The following STK31 variants were observed in gnomAD, a reference collection of about 807,000 sequenced individuals.
STK31 encodes serine/threonine-protein kinase 31.
STK31 carries 89 observed loss-of-function variants against 129.7 expected under a neutral mutation model. That is an observed-to-expected ratio of 0.69 (90% confidence interval 0.58 to 0.82). STK31 has a LOEUF of 0.82. Among genes scored for constraint, STK31 ranks in the 40% least tolerant of loss-of-function variants. The probability of loss-of-function intolerance (pLI) is 0.00; values close to 1 mark genes in which losing one functional copy is unlikely to be tolerated. For missense variants in STK31, 1,187 were observed against 1,176.4 expected, an observed-to-expected ratio of 1.01 and a Z score of -0.13; for synonymous variants, 448 against 395.3, an observed-to-expected ratio of 1.13 and a Z score of -1.58.
intron 5 of STK31, among the ~76,000 whole-genome samples, chr7:23,728,559 T>C (rs1787221486): frequency 1.3e-5 from 2 of 152,220 alleles, no homozygotes; most frequent in African/African-American, 4.8e-5. Flanking sequence ...GGCAGCATGA[T>C]GTTTGACCTT....
chr7:23,813,792 C>G (rs1024388827), intron 22 of STK31, among the ~76,000 whole-genome samples: 20 of 152,128 alleles, frequency 1.3e-4, no homozygotes, highest in African/African-American at 4.8e-4. Flanking sequence ...GGCAGGATCT[C>G]TCCTTTCCTA....
chr7:23,790,964 T>C lies in STK31; in HGVS notation c.2760+18T>C. 6.6e-7 allele frequency: 1 copy of C among 1,525,350 alleles called. No individual in the cohort carries two copies. The highest frequency in any genetic ancestry group is 1.3e-5 in the South Asian group (1 of 75,206). The allele number at this position is 1,525,350 out of a possible 1,614,324, so 94.5% of individuals were successfully genotyped here. On this transcript the variant is annotated intron_variant, in intron 22 of 23. Transcript: ENST00000355870. Reference sequence around the variant, plus strand: ...TATTATGGGTATGTTATTTTTTTGTTGAAATAGATCATATATATATATATT... The same window carrying C: ...TATTATGGGTATGTTATTTTTTTGTCGAAATAGATCATATATATATATATT...
At chr7:23,738,916 A>G (rs907413319) in intron 8 of STK31, among the ~76,000 whole-genome samples, 15 of 152,192 alleles carry the variant, frequency 9.9e-5, no homozygotes, top group African/African-American at 3.6e-4. Flanking sequence ...TTGCCATTGT[A>G]AATAGTGCTG....
rs1163151806 is a variant in STK31 at position 23,715,208 on chromosome 7, T to A, written c.151-2273T>A. On this transcript the variant is annotated intron_variant, in intron 3 of 23. Transcript: ENST00000355870. ...AAAATCTGCTCACGTGTATTCTCCA[T>A]TTTTTTTTGCCCTGTGGGCTTCTGC... Among the ~76,000 whole-genome samples the A allele has an allele frequency of 2.2e-4, 4 of 17,948 alleles. No individual in the cohort carries two copies. In the East Asian group the frequency reaches 8.7e-3, roughly 39 times the overall value. The allele number at this position is 17,948 out of a possible 152,430, so 11.8% of individuals were successfully genotyped here. A position where few individuals can be genotyped will look rare whatever the true frequency, so the allele number is the denominator to read the frequency against.
intron 1 of STK31, chr7:23,710,745 A>G (rs1785904541): frequency 9.5e-7 from 1 of 1,054,784 alleles, no homozygotes; most frequent in South Asian, 3.4e-5. Context: ...GAAAGTGGGT[A>G]CGGCATCAGT....
chr7:23,722,233 A>T lies in STK31; in HGVS notation c.249+4654A>T, dbSNP rs567250109. The T allele has an allele frequency of 1.6e-3, 245 of 152,612 alleles. 1 individual carries two copies. The highest frequency in any genetic ancestry group is 2.9e-3 in the Non-Finnish European group (198 of 68,328). 9.5% of individuals were successfully genotyped at this position (152,612 alleles called of 1,614,324 possible). A position where few individuals can be genotyped will look rare whatever the true frequency, so the allele number is the denominator to read the frequency against. On this transcript the variant is annotated intron_variant, in intron 4 of 23. Coordinates refer to ENST00000355870, the MANE Select transcript of STK31 (RefSeq NM_031414.5). ...TTTTATCTACTTTTTGTCTTTGATG[A>T]TGGTGACGTACAGATGGGGTTTTGG...
chr7:23,781,746 G>C (rs144853897), intron 16 of STK31, among the ~76,000 whole-genome samples: 3 of 152,090 alleles, frequency 2.0e-5, no homozygotes, highest in African/African-American at 7.2e-5. Flanking sequence ...TTGTAAAGAA[G>C]GAAAAACATC....
At chr7:23,804,346 G>T (rs1792560355) in intron 22 of STK31, among the ~76,000 whole-genome samples, 1 of 152,038 alleles carries the variant, frequency 6.6e-6, no homozygotes, top group Non-Finnish European at 1.5e-5. Context: ...TACCACTCGA[G>T]TGGAAGCTTT....
chr7:23,720,377 T>C (rs745945347), intron 4 of STK31, among the ~76,000 whole-genome samples: 1 of 152,192 alleles, frequency 6.6e-6, no homozygotes, highest in Non-Finnish European at 1.5e-5. Flanking sequence ...CTAAAGTGCA[T>C]CTGGGATCAT....
rs190681692 is a variant in STK31, at chr7:23,823,100, G to C, written c.2829+7888G>C. On this transcript the variant is annotated intron_variant, in intron 23 of 23. Transcript: ENST00000355870. Reference sequence around the variant, plus strand: ...ATAGCAGCATGATTTATAATCATTTGGGTATATACCCAGTAATGGGATGGC... The same window carrying C: ...ATAGCAGCATGATTTATAATCATTTCGGTATATACCCAGTAATGGGATGGC... Among the ~76,000 whole-genome samples the C allele has an allele frequency of 3.8e-3, 577 of 152,274 alleles. 4 individuals carry two copies. The highest frequency in any genetic ancestry group is 0.02 in the Middle Eastern group (6 of 294).
Position 23,789,281 on chromosome 7 carries a change from T to C in STK31, c.2637+1152T>C, listed in dbSNP as rs564352803. Among the ~76,000 whole-genome samples, 34 of 152,238 alleles carry C rather than the reference T, an allele frequency of 2.2e-4. No individual in the cohort carries two copies. The South Asian group carries it at 6.4e-3, about 29-fold the overall frequency. On this transcript the variant is annotated intron_variant, in intron 21 of 23. Coordinates refer to ENST00000355870, the MANE Select transcript of STK31 (RefSeq NM_031414.5). ...GAGCTTTAGCATACAATATTTTTTG[T>C]GTGGACATGTTTTCATTTCTCTTGG...
intron 22 of STK31, among the ~76,000 whole-genome samples, chr7:23,793,332 T>C (rs1171183038): frequency 6.6e-6 from 1 of 152,196 alleles, no homozygotes; most frequent in Non-Finnish European, 1.5e-5. Context: ...GACTTTCGAT[T>C]TGGCAAAGAT....
chr7:23,779,559 G>T (rs923642688), intron 15 of STK31, among the ~76,000 whole-genome samples: 1 of 152,164 alleles, frequency 6.6e-6, no homozygotes, highest in East Asian at 1.9e-4. Context: ...CTAGAGAGGC[G>T]GTCTGGCTAC....
chr7:23,823,104 A>C (rs1316613077), intron 23 of STK31, among the ~76,000 whole-genome samples: 2 of 152,200 alleles, frequency 1.3e-5, no homozygotes, highest in Admixed American at 1.3e-4. Context: ...TCATTTGGGT[A>C]TATACCCAGT....
chr7:23,716,528 C>T (rs1786334026), intron 3 of STK31, among the ~76,000 whole-genome samples: 1 of 152,118 alleles, frequency 6.6e-6, no homozygotes, highest in Non-Finnish European at 1.5e-5. Flanking sequence ...TAGTGCTTGC[C>T]TAATGATGAT....
chr7:23,726,578 C>G (rs1239705367), intron 4 of STK31, among the ~76,000 whole-genome samples: 2 of 150,140 alleles, frequency 1.3e-5, no homozygotes, highest in African/African-American at 4.9e-5. Context: ...GACTGCTGCA[C>G]TGCACTCCAG....
intron 23 of STK31, among the ~76,000 whole-genome samples, chr7:23,822,896 T>C (rs181937561): frequency 6.6e-6 from 1 of 152,184 alleles, no homozygotes; most frequent in Non-Finnish European, 1.5e-5. Flanking sequence ...GGTTTCCAGC[T>C]TCATCCATGT....
chr7:23,811,610 T>C (rs1793135651), intron 22 of STK31: 1 of 169,154 alleles, frequency 5.9e-6, no homozygotes, highest in Admixed American at 6.3e-5. Context: ...GATCTTGTAA[T>C]TGTCAGAGAT....
rs1466233245 is a variant in STK31, at chr7:23,826,174, G to A, written c.2830-5962G>A. 1.3e-5 allele frequency among the ~76,000 whole-genome samples: 2 copies of A among 151,950 alleles called. 1 individual carries two copies. The highest frequency in any genetic ancestry group is 4.2e-4 in the South Asian group (2 of 4,812). On this transcript the variant is annotated intron_variant, in intron 23 of 23. Transcript: ENST00000355870. ...TCCTTGTTAACTTTCTGTCTTGTTG[G>A]TCTGCCTAATGTTGACAGTGGGGTG...
Sources: allele counts gnomAD v4.1 joint callset (sites outside exome capture counted in the v4.1 genomes callset), GRCh38; gene constraint gnomAD v4.1.1; transcripts MANE v1.5; gene names NCBI Gene and HGNC (gene_info 2026-07-23, HGNC 2026-07-21).